PID1: variants seen among roughly 807,000 people sequenced by gnomAD.
PID1 encodes phosphotyrosine interaction domain containing 1.
A neutral mutation model predicts 19.1 loss-of-function variants in PID1; 10 were observed. The ratio of observed to expected loss-of-function variants is 0.52; its 90% confidence interval spans 0.32 to 0.89. The LOEUF is 0.89. Among genes scored for constraint, PID1 ranks in the 40% least tolerant of loss-of-function variants. The pLI is 0.03. For missense variants in PID1, 248 were observed against 285.3 expected, an observed-to-expected ratio of 0.87 and a Z score of 0.94; for synonymous variants, 130 against 116.0, an observed-to-expected ratio of 1.12 and a Z score of -0.78.
intron 2 of PID1, among the ~76,000 whole-genome samples, chr2:229,151,396 G>A (rs1425411011): frequency 6.6e-6 from 1 of 152,106 alleles, no homozygotes; most frequent in Non-Finnish European, 1.5e-5. Flanking sequence ...GCCTCAACTA[G>A]TTCATCTGTG....
chr2:229,215,265 T>A (rs1691821356), intron 1 of PID1, among the ~76,000 whole-genome samples: 1 of 152,226 alleles, frequency 6.6e-6, no homozygotes, highest in South Asian at 2.1e-4. Context: ...CTTTTATGCA[T>A]GTTTATTGAA....
chr2:229,055,490 G>T (rs186774566), intron 2 of PID1, among the ~76,000 whole-genome samples: 2 of 152,304 alleles, frequency 1.3e-5, no homozygotes, highest in African/African-American at 4.8e-5. Flanking sequence ...GATAAAAAGT[G>T]GAGTTGCCTT....
chr2:229,083,881 G>C (rs1474291513), intron 2 of PID1, among the ~76,000 whole-genome samples: 7 of 152,232 alleles, frequency 4.6e-5, no homozygotes, highest in African/African-American at 1.7e-4. Context: ...ATGACAGAAA[G>C]ATGTAAAGGT....
At chr2:229,032,625 T>C (rs1693579253) in intron 2 of PID1, among the ~76,000 whole-genome samples, 1 of 151,968 alleles carries the variant, frequency 6.6e-6, no homozygotes, top group Non-Finnish European at 1.5e-5. Flanking sequence ...ACAAGAGGGG[T>C]CTTCAGGAAA....
At chr2:229,142,657 C>A (rs919967657) in intron 2 of PID1, among the ~76,000 whole-genome samples, 2 of 152,140 alleles carry the variant, frequency 1.3e-5, no homozygotes, top group South Asian at 4.1e-4. Flanking sequence ...TAGCATCTCA[C>A]GCCAGTTAGA....
chr2:229,035,118 T>G (rs765840332), intron 2 of PID1, among the ~76,000 whole-genome samples: 34 of 152,224 alleles, frequency 2.2e-4, no homozygotes, highest in Non-Finnish European at 4.4e-4. Context: ...TGCCCACTCT[T>G]AGGTCAAACA....
At chr2:229,153,483 G>A (rs1690300717) in intron 2 of PID1, among the ~76,000 whole-genome samples, 1 of 152,122 alleles carries the variant, frequency 6.6e-6, no homozygotes, top group African/African-American at 2.4e-5. Context: ...GTTCTTCCTG[G>A]TGTCCAAATG....
At chr2:229,072,395 T>A (rs1242686792) in intron 2 of PID1, among the ~76,000 whole-genome samples, 2 of 152,102 alleles carry the variant, frequency 1.3e-5, no homozygotes, top group African/African-American at 4.8e-5. Flanking sequence ...AAGACCAGCC[T>A]GTCCAACACG....
At chr2:229,148,870 GT>G (rs1308354908) in intron 2 of PID1, among the ~76,000 whole-genome samples, 3 of 151,964 alleles carry the variant, frequency 2.0e-5, no homozygotes, top group Non-Finnish European at 2.9e-5. Flanking sequence ...AACAACAAAG[GT>G]TAGCTCATAT....
chr2:229,220,488 A>C (rs1691943100), intron 1 of PID1, among the ~76,000 whole-genome samples: 1 of 152,196 alleles, frequency 6.6e-6, no homozygotes, highest in Non-Finnish European at 1.5e-5. Context: ...CATGCTCTCC[A>C]GTGAACCAAT....
intron 1 of PID1, among the ~76,000 whole-genome samples, chr2:229,202,091 C>A (rs897083861): frequency 6.6e-6 from 1 of 152,048 alleles, no homozygotes; most frequent in African/African-American, 2.4e-5. Flanking sequence ...TATTTCTTCA[C>A]TCACAGAGAA....
intron 1 of PID1, among the ~76,000 whole-genome samples, chr2:229,194,225 A>T (rs1691323656): frequency 6.6e-6 from 1 of 152,116 alleles, no homozygotes; most frequent in Non-Finnish European, 1.5e-5. Context: ...TGCACAGTTA[A>T]AAAACCCCAT....
intron 2 of PID1, among the ~76,000 whole-genome samples, chr2:229,138,705 C>T (rs11889773): frequency 0.39 from 59,837 of 151,592 alleles, 11,992 homozygotes; most frequent in South Asian, 0.57. Context: ...CAAACAGACC[C>T]CATGCCTGGC....
chr2:229,237,529 T>A (rs551783745), intron 1 of PID1, among the ~76,000 whole-genome samples: 6 of 152,256 alleles, frequency 3.9e-5, no homozygotes, highest in Admixed American at 1.3e-4. Flanking sequence ...AAAAAAAGGT[T>A]TTTTAATCTC....
intron 2 of PID1, among the ~76,000 whole-genome samples, chr2:229,033,617 C>T (rs1295756965): frequency 2.6e-5 from 4 of 151,946 alleles, no homozygotes; most frequent in African/African-American, 4.8e-5. Context: ...CACCATGGCA[C>T]GTGTATGCCT....
intron 1 of PID1, among the ~76,000 whole-genome samples, chr2:229,266,940 A>G (rs1690605954): frequency 6.6e-6 from 1 of 152,176 alleles, no homozygotes; most frequent in African/African-American, 2.4e-5. Context: ...GCCAGGGCTA[A>G]TGGTCTCCAG....
At chr2:229,047,305 C>G (rs1693903678) in intron 2 of PID1, among the ~76,000 whole-genome samples, 1 of 152,128 alleles carries the variant, frequency 6.6e-6, no homozygotes. Context: ...CCCCACCCTG[C>G]TAGCAAAAGG....
intron 1 of PID1, among the ~76,000 whole-genome samples, chr2:229,204,990 T>A (rs909732089): frequency 2.0e-5 from 3 of 152,122 alleles, no homozygotes; most frequent in Non-Finnish European, 2.9e-5. Flanking sequence ...TGGATGAAAT[T>A]CAAGAAAAAC....
At chr2:229,211,166 G>A (rs1477569019) in intron 1 of PID1, among the ~76,000 whole-genome samples, 1 of 152,168 alleles carries the variant, frequency 6.6e-6, no homozygotes, top group Non-Finnish European at 1.5e-5. Flanking sequence ...AAACAAATAG[G>A]AGAGGCTGGT....
Sources: allele counts gnomAD v4.1 joint callset (sites outside exome capture counted in the v4.1 genomes callset), GRCh38; gene constraint gnomAD v4.1.1; transcripts MANE v1.5; gene names NCBI Gene and HGNC (gene_info 2026-07-23, HGNC 2026-07-21).